PRSS1: variants seen among roughly 807,000 people sequenced by gnomAD.
The protein encoded by PRSS1 is serine protease 1.
A neutral mutation model predicts 24.2 loss-of-function variants in PRSS1; 22 were observed. That is an observed-to-expected ratio of 0.91 (90% CI 0.65 to 1.30). PRSS1 has a LOEUF of 1.30. PRSS1 is among the 50% of genes most tolerant of loss of function. The pLI is 0.00. For missense variants in PRSS1, 366 were observed against 304.2 expected, an observed-to-expected ratio of 1.20 and a Z score of -1.51; for synonymous variants, 126 against 116.1, an observed-to-expected ratio of 1.08 and a Z score of -0.55.
intron 2 of PRSS1, 50 bp downstream of exon 2, chr7:142,750,764 G>A (rs1404303558): frequency 6.2e-7 from 1 of 1,612,792 alleles, no homozygotes. Flanking sequence ...CTGCCTGGGA[G>A]AGCTTGGCTT....
rs558474960 is a variant in PRSS1, at chr7:142,751,074, T to C, written c.200+360T>C. On this transcript the variant is annotated intron_variant, in intron 2 of 4. Transcript: ENST00000311737. ...ATGCCTTTGTCCTATCCCAGGGCAATTAAGTCAAAATTTTCAGGAAGAGGG... is the reference window on the plus strand; with the variant it reads ...ATGCCTTTGTCCTATCCCAGGGCAACTAAGTCAAAATTTTCAGGAAGAGGG... 6.1e-4 allele frequency: 424 copies of C among 698,634 alleles called. 2 individuals are homozygous for C. Among genetic ancestry groups the C allele is most frequent in the Non-Finnish European group, 5.4e-4 (208 of 383,890 alleles). The allele number at this position is 698,634 out of a possible 1,614,324, so 43.3% of individuals were successfully genotyped here.
At position 142,750,947 on chromosome 7, in the gene PRSS1, A is replaced by C. The variant is rs528847524; in HGVS notation, c.200+233A>C. 306 of 761,658 alleles carry C rather than the reference A, an allele frequency of 4.0e-4. 2 individuals carry two copies. Among genetic ancestry groups the C allele is most frequent in the Middle Eastern group, 3.1e-3 (14 of 4,488 alleles). The allele number at this position is 761,658 out of a possible 1,614,324, so 47.2% of individuals were successfully genotyped here. ...GTTGTGGTCATAAAAGCAGGCAGGG[A>C]TGATCTTGGGGTGGTGAGAGCTAGT... is the stretch of plus-strand genomic sequence containing the variant. On this transcript the variant is annotated intron_variant, in intron 2 of 4. Transcript: ENST00000311737.
intron 1 of PRSS1, among the ~76,000 whole-genome samples, chr7:142,750,179 C>G (rs918342871): frequency 2.6e-5 from 4 of 152,140 alleles, no homozygotes; most frequent in Admixed American, 2.6e-4. Flanking sequence ...GCAAAAGAAT[C>G]CTGACAATCC....
rs771252966 is a variant in PRSS1 at position 142,752,891 on chromosome 7, C to T, written c.615C>T (p.Val205=). ...AGGGTGATTCTGGTGGCCCTGTGGTCTGCAATGGACAGCTCCAAGGAGTTG... is the reference window on the plus strand; with the variant it reads ...AGGGTGATTCTGGTGGCCCTGTGGTTTGCAATGGACAGCTCCAAGGAGTTG... The part of the protein sequence containing the change: ...SCQGDSGGPV[V]CNGQLQGVVS... The change falls in exon 5 of 5, where the codon GTC becomes GTT. Residue 205 remains valine (V), a synonymous_variant. Coordinates refer to ENST00000311737, the MANE Select transcript of PRSS1 (RefSeq NM_002769.5). The T allele has an allele frequency of 9.9e-6, 16 of 1,614,178 alleles. No homozygotes were observed. The highest frequency in any genetic ancestry group is 1.7e-5 in the Admixed American group (1 of 60,032).
chr7:142,751,715 G>A (rs770692734), intron 2 of PRSS1, 59 bp from the exon 3 acceptor site: 14 of 1,614,094 alleles, frequency 8.7e-6, no homozygotes, highest in Non-Finnish European at 1.2e-5. Flanking sequence ...CCTGGGGAAG[G>A]TGGGATAGGT....
In PRSS1 at chr7:142,752,409, G is replaced by T. The variant is rs1423439493; in HGVS notation, c.455-22G>T. 3.9e-6 allele frequency: 6 copies of T among 1,524,270 alleles called. No homozygotes were observed. The East Asian group carries it at 1.2e-4, about 29-fold the overall frequency. The allele number at this position is 1,524,270 out of a possible 1,614,324, so 94.4% of individuals were successfully genotyped here. ...CCTGACCCACATTTCTACTTCCTTT[G>T]ATCTCTTCCTGATCCTCACAGCCGA... On this transcript the variant is annotated intron_variant, in intron 3 of 4. Transcript: ENST00000311737.
chr7:142,752,052 A>T (rs745807390), intron 3 of PRSS1, 25 bp downstream of exon 3: 1 of 1,613,882 alleles, frequency 6.2e-7, no homozygotes, highest in Non-Finnish European at 8.5e-7. Context: ...TAGTCCTTCT[A>T]CTTCCCTCCA....
Position 142,753,052 on chromosome 7 carries a change from A to G in PRSS1, c.*32A>G, listed in dbSNP as rs770953697. On this transcript the variant is annotated 3_prime_UTR_variant, in exon 5 of 5. Coordinates refer to ENST00000311737, the MANE Select transcript of PRSS1 (RefSeq NM_002769.5). The stretch of plus-strand genomic sequence containing the variant: ...CAGTATCTCTTCAGTCTCTATACCA[A>G]TAAAGTGACCCTGTTCTCACTGTCT... 6.2e-7 allele frequency: 1 copy of G among 1,607,988 alleles called. No individual in the cohort carries two copies. Among genetic ancestry groups the G allele is most frequent in the Non-Finnish European group, 8.5e-7 (1 of 1,174,482 alleles).
chr7:142,751,243 C>T (rs978416754), intron 2 of PRSS1: 2 of 621,964 alleles, frequency 3.2e-6, no homozygotes, highest in Non-Finnish European at 5.7e-6. Flanking sequence ...GCACAAATCA[C>T]TGGGCCCCTT....
chr7:142,749,515 G>A lies in PRSS1; in HGVS notation c.31G>A (p.Ala11Thr), dbSNP rs1276830284. 1.9e-6 allele frequency: 3 copies of A among 1,614,080 alleles called. No homozygotes were observed. Among genetic ancestry groups the A allele is most frequent in the South Asian group, 2.2e-5 (2 of 91,066 alleles). Reference sequence around the variant, plus strand: ...TCCACTCCTGATCCTTACCTTTGTGGCAGCTGCTCGTGAGTATCATGCCCT... The same window carrying A: ...TCCACTCCTGATCCTTACCTTTGTGACAGCTGCTCGTGAGTATCATGCCCT... MNPLLILTFV[A>T]AALAAPFDDD... Residue 11 changes from alanine to threonine, a missense_variant, in exon 1 of 5, where the codon GCA becomes ACA. By Grantham distance (58) the Ala-to-Thr change is moderately conservative. Coordinates refer to ENST00000311737, the MANE Select transcript of PRSS1 (RefSeq NM_002769.5).
At position 142,749,524 on chromosome 7, in the gene PRSS1, C is replaced by T. The variant is rs747228052; in HGVS notation, c.40C>T (p.Leu14Phe). 4.3e-5 allele frequency: 66 copies of T among 1,525,510 alleles called. No individual in the cohort carries two copies. Among genetic ancestry groups the T allele is most frequent in the Non-Finnish European group, 5.3e-5 (60 of 1,127,414 alleles). The allele number at this position is 1,525,510 out of a possible 1,614,324, so 94.5% of individuals were successfully genotyped here. Residue 14 changes from leucine (L) to phenylalanine (F), a missense_variant and splice_region_variant, in exon 1 of 5, where the codon CTT becomes TTT. Physicochemically the swap from Leu to Phe is conservative, Grantham distance 22. Coordinates refer to ENST00000311737, the MANE Select transcript of PRSS1 (RefSeq NM_002769.5). ...LLILTFVAAA[L>F]AAPFDDDDKI... Reference sequence around the variant, plus strand: ...GATCCTTACCTTTGTGGCAGCTGCTCGTGAGTATCATGCCCTGCCTCAGGC... The same window carrying T: ...GATCCTTACCTTTGTGGCAGCTGCTTGTGAGTATCATGCCCTGCCTCAGGC...
chr7:142,752,337 G>C (rs368027423), intron 3 of PRSS1, 94 bp from the exon 4 acceptor site: 7 of 1,526,142 alleles, frequency 4.6e-6, no homozygotes, highest in East Asian at 4.5e-5. Context: ...TCCAGGGGCT[G>C]TGTTCCTCTT....
chr7:142,750,755 T>C (rs760662385), intron 2 of PRSS1, 41 bp downstream of exon 2: 25 of 1,613,444 alleles, frequency 1.5e-5, no homozygotes, highest in East Asian at 2.2e-5. Context: ...CCGGCCAGTC[T>C]GCCTGGGAGA....
chr7:142,752,144 T>A, intron 3 of PRSS1, 117 bp downstream of exon 3: 1 of 1,497,166 alleles, frequency 6.7e-7, no homozygotes, highest in Non-Finnish European at 9.2e-7. Context: ...CGAGTGCCCA[T>A]TACACACAGA....
At chr7:142,752,400 A>T (rs1459983840) in intron 3 of PRSS1, 31 bp from the exon 4 acceptor site, 1 of 1,611,878 alleles carries the variant, frequency 6.2e-7, no homozygotes, top group East Asian at 2.2e-5. Context: ...CCACATTTCT[A>T]CTTCCTTTGA....
In PRSS1 at chr7:142,751,968, C is replaced by A. The variant is rs759452330; in HGVS notation, c.395C>A (p.Pro132His). ...TCCACCATCTCTCTGCCCACCGCCCCTCCAGCCACTGGCACGAAGTGCCTC... is the reference window on the plus strand; with the variant it reads ...TCCACCATCTCTCTGCCCACCGCCCATCCAGCCACTGGCACGAAGTGCCTC... ...RVSTISLPTA[P>H]PATGTKCLIS... is the part of the protein sequence containing the mutation. The change falls in exon 3 of 5, where the codon CCT (proline) becomes CAT (histidine). Residue 132 changes from proline to histidine, a missense_variant. By Grantham distance (77) the Pro-to-His change is moderately conservative (BLOSUM62 -2). Transcript: ENST00000311737. 4 of 1,614,120 alleles carry A rather than the reference C, an allele frequency of 2.5e-6. No individual in the cohort carries two copies. The highest frequency in any genetic ancestry group is 3.4e-6 in the Non-Finnish European group (4 of 1,180,008).
chr7:142,752,516 C>T lies in PRSS1; in HGVS notation c.540C>T (p.Thr180=), dbSNP rs769319141. ...AAGCCTCCTACCCTGGAAAGATTAC[C>T]AGCAACATGTTCTGTGTGGGCTTCC... is the stretch of plus-strand genomic sequence containing the variant. The part of the protein sequence containing the change: ...KCEASYPGKI[T]SNMFCVGFLE... The change falls in exon 4 of 5, where the codon ACC becomes ACT. Residue 180 remains threonine (T), a synonymous_variant. Transcript: ENST00000311737. The T allele has an allele frequency of 6.2e-7, 1 of 1,614,222 alleles. No homozygotes were observed. The highest frequency in any genetic ancestry group is 8.5e-7 in the Non-Finnish European group (1 of 1,180,028).
chr7:142,751,052 C>G (rs1303011742), intron 2 of PRSS1: 1 of 703,208 alleles, frequency 1.4e-6, no homozygotes, highest in Admixed American at 2.0e-5. Flanking sequence ...AATACAGATG[C>G]CTTTGTCCTA....
chr7:142,752,314 TTCTGGAGTCC>T (rs1798811367), intron 3 of PRSS1, 107 bp from the exon 4 acceptor site: 1 of 1,430,196 alleles, frequency 7.0e-7, no homozygotes, highest in South Asian at 1.2e-5. Flanking sequence ...AGGACTTATG[TTCTGGAGTCC>T]TCTCCAGGGG....
Sources: allele counts gnomAD v4.1 joint callset (sites outside exome capture counted in the v4.1 genomes callset), GRCh38; gene constraint gnomAD v4.1.1; transcripts MANE v1.5; gene names NCBI Gene and HGNC (gene_info 2026-07-23, HGNC 2026-07-21).